The following MLLT10 variants were observed in gnomAD, a reference collection of about 807,000 sequenced individuals.
The protein encoded by MLLT10 is protein AF-10.
A neutral mutation model predicts 129.1 loss-of-function variants in MLLT10; 30 were observed. The observed-to-expected ratio is 0.23, with a 90% CI of 0.17 to 0.32. The LOEUF (loss-of-function observed/expected upper bound fraction) is 0.32. Ranked by LOEUF, MLLT10 falls within the 10% of genes least tolerant of loss-of-function variation. The probability of loss-of-function intolerance (pLI) is 1.00; values close to 1 mark genes in which losing one functional copy is unlikely to be tolerated. For missense variants in MLLT10, 1,119 were observed against 1,268.3 expected, an observed-to-expected ratio of 0.88 and a Z score of 1.79; for synonymous variants, 490 against 446.4, an observed-to-expected ratio of 1.10 and a Z score of -1.23.
At chr10:21,585,581 G>A (rs2041909718) in intron 3 of MLLT10, among the ~76,000 whole-genome samples, 1 of 152,162 alleles carries the variant, frequency 6.6e-6, no homozygotes, top group Non-Finnish European at 1.5e-5. Flanking sequence ...AGACCTACTT[G>A]ACGGCAGTCG....
At chr10:21,561,513 C>G (rs2038801200) in intron 3 of MLLT10, among the ~76,000 whole-genome samples, 1 of 152,240 alleles carries the variant, frequency 6.6e-6, no homozygotes, top group Non-Finnish European at 1.5e-5. Flanking sequence ...CCCACCTCGG[C>G]CTCCCGAAGT....
At chr10:21,597,796 G>A (rs1380161216) in intron 5 of MLLT10, among the ~76,000 whole-genome samples, 1 of 152,192 alleles carries the variant, frequency 6.6e-6, no homozygotes, top group African/African-American at 2.4e-5. Flanking sequence ...TTTGCCTGAT[G>A]TTTCATCATG....
intron 9 of MLLT10, among the ~76,000 whole-genome samples, chr10:21,669,589 C>T (rs2131370996): frequency 6.6e-6 from 1 of 152,300 alleles, no homozygotes; most frequent in African/African-American, 2.4e-5. Context: ...GTGCATGCCT[C>T]AGATACTTTA....
chr10:21,618,555 C>T (rs2045498080), intron 8 of MLLT10, among the ~76,000 whole-genome samples: 1 of 151,958 alleles, frequency 6.6e-6, no homozygotes, highest in Admixed American at 6.6e-5. Context: ...TCAAGGTAAA[C>T]ATTGTAGAAA....
At chr10:21,647,767 A>C (rs898089094) in intron 8 of MLLT10, among the ~76,000 whole-genome samples, 2 of 152,090 alleles carry the variant, frequency 1.3e-5, no homozygotes, top group African/African-American at 4.8e-5. Context: ...AAAAAATTTA[A>C]ACAGAATTAA....
chr10:21,571,823 T>C (rs115709303), intron 3 of MLLT10, among the ~76,000 whole-genome samples: 2,206 of 152,358 alleles, frequency 0.014, 54 homozygotes, highest in African/African-American at 0.05. Flanking sequence ...AAGGTGTTTA[T>C]ATGTCCTAAA....
chr10:21,731,141 A>G lies in MLLT10; in HGVS notation c.2218+87A>G, dbSNP rs549469085. On this transcript the variant is annotated intron_variant, in intron 17 of 22. Coordinates refer to ENST00000307729, the MANE Select transcript of MLLT10 (RefSeq NM_001195626.3). ...TGGATGCAGAAGTCACTTTTCATCC[A>G]GAGTAGTAATGGGATTATGATATAC... is the stretch of plus-strand genomic sequence containing the variant. 1.1e-4 allele frequency: 139 copies of G among 1,229,942 alleles called. 1 individual carries two copies. In the South Asian group the frequency reaches 1.9e-3, roughly 17 times the overall value. 76.2% of individuals were successfully genotyped at this position (1,229,942 alleles called of 1,614,324 possible). A position where few individuals can be genotyped will look rare whatever the true frequency, so the allele number is the denominator to read the frequency against.
At chr10:21,628,783 GT>G (rs2046723909) in intron 8 of MLLT10, among the ~76,000 whole-genome samples, 1 of 120,010 alleles carries the variant, frequency 8.3e-6, no homozygotes, top group Non-Finnish European at 1.6e-5. Flanking sequence ...GTCTCGCTCT[GT>G]CTCCCAGGCT....
At chr10:21,670,828 A>T in intron 10 of MLLT10, 124 bp downstream of exon 10, 1 of 1,102,368 alleles carries the variant, frequency 9.1e-7, no homozygotes, top group East Asian at 2.6e-5. Flanking sequence ...TTATATGATT[A>T]GTTGCTTTAG....
intron 12 of MLLT10, 62 bp from the exon 13 acceptor site, chr10:21,682,163 G>T: frequency 7.3e-7 from 1 of 1,370,362 alleles, no homozygotes; most frequent in Non-Finnish European, 1.0e-6. Context: ...GTATGGCTAT[G>T]TATTTCTTTT....
At chr10:21,651,831 C>T in intron 9 of MLLT10, 63 bp downstream of exon 9, 1 of 1,060,040 alleles carries the variant, frequency 9.4e-7, no homozygotes, top group Non-Finnish European at 1.4e-6. Context: ...ATTTTCACCT[C>T]TAAAAACTGT....
chr10:21,627,292 A>G (rs904921130), intron 8 of MLLT10, among the ~76,000 whole-genome samples: 1 of 152,192 alleles, frequency 6.6e-6, no homozygotes, highest in Non-Finnish European at 1.5e-5. Context: ...CCCAAGTACT[A>G]AAGTGTATAG....
chr10:21,734,183 G>GAC (rs2058171425), intron 20 of MLLT10, 54 bp downstream of exon 20: 44 of 1,524,944 alleles, frequency 2.9e-5, no homozygotes, highest in Non-Finnish European at 3.9e-5. Context: ...TACCGGTGTT[G>GAC]TCTATGCCTT....
intron 16 of MLLT10, 77 bp from the exon 17 acceptor site, chr10:21,730,823 G>T: frequency 6.6e-7 from 1 of 1,505,134 alleles, no homozygotes. Context: ...AGGAGAAAAG[G>T]GGTCAGCTTA....
At chr10:21,693,534 G>A (rs1020995135) in intron 13 of MLLT10, among the ~76,000 whole-genome samples, 22 of 151,688 alleles carry the variant, frequency 1.5e-4, no homozygotes, top group African/African-American at 4.6e-4. Flanking sequence ...GCCTACCCCT[G>A]AAACTGTTCT....
At chr10:21,711,937 A>C (rs935412882) in intron 13 of MLLT10, among the ~76,000 whole-genome samples, 1 of 152,184 alleles carries the variant, frequency 6.6e-6, no homozygotes, top group African/African-American at 2.4e-5. Context: ...TTTCTACGCA[A>C]CTTCTTGAAG....
intron 9 of MLLT10, among the ~76,000 whole-genome samples, chr10:21,662,189 C>A (rs1044025296): frequency 1.4e-4 from 21 of 151,932 alleles, no homozygotes; most frequent in African/African-American, 5.1e-4. Flanking sequence ...CTTCCCTTAC[C>A]CCCTCCTTTT....
At chr10:21,692,417 G>A (rs533582945) in intron 13 of MLLT10, among the ~76,000 whole-genome samples, 16 of 151,934 alleles carry the variant, frequency 1.1e-4, no homozygotes, top group Middle Eastern at 3.4e-3. Context: ...TGATCCTCCC[G>A]CCTCAGCTTC....
At position 21,622,593 on chromosome 10, in the gene MLLT10, AATT is replaced by A. The variant is rs538955346; in HGVS notation, c.699+5393_699+5395del. 7.2e-5 allele frequency among the ~76,000 whole-genome samples: 11 copies of A among 152,298 alleles called. No homozygotes were observed. The East Asian group carries it at 7.7e-4, about 11-fold the overall frequency. ...TCAGTCACTAAGAGTTCAAATTGTG[AATT>A]ATTATTTTTGTAGAATGCCTTCTAA... On this transcript the variant is annotated intron_variant, in intron 8 of 22. Transcript: ENST00000307729.
Sources: allele counts gnomAD v4.1 joint callset (sites outside exome capture counted in the v4.1 genomes callset), GRCh38; gene constraint gnomAD v4.1.1; transcripts MANE v1.5; gene names NCBI Gene and HGNC (gene_info 2026-07-23, HGNC 2026-07-21).